PLK2: variants seen among roughly 807,000 people sequenced by gnomAD.
PLK2 encodes polo like kinase 2.
Under a neutral mutation model 78.1 loss-of-function variants are expected in PLK2, and 25 were observed. The ratio of observed to expected loss-of-function variants is 0.32; its 90% CI spans 0.23 to 0.45. The LOEUF (loss-of-function observed/expected upper bound fraction) is 0.45. PLK2 is among the 20% of genes least tolerant of loss of function. PLK2 has a pLI of 1.00. For missense variants in PLK2, 566 were observed against 840.2 expected (o/e 0.67, Z 4.04); for synonymous variants, 332 against 298.2 (o/e 1.11, Z -1.17).
At chr5:58,456,402 G>A in intron 9 of PLK2, 90 bp downstream of exon 9, 1 of 885,540 alleles carries the variant, frequency 1.1e-6, no homozygotes, top group Non-Finnish European at 1.8e-6. Flanking sequence ...TGACATATTT[G>A]AACCATGATA....
Position 58,456,931 on chromosome 5 carries a change from T to C in PLK2, c.1156+14A>G. On this transcript the variant is annotated intron_variant, in intron 8 of 13. Coordinates refer to ENST00000274289, the MANE Select transcript of PLK2 (RefSeq NM_006622.4). ...ATTGGGTACGAAAAAGGAAAAGAAG[T>C]CTTGTTAACTTACTATGTGTGTCAA... 3 of 1,530,012 alleles carry C rather than the reference T, an allele frequency of 2.0e-6. No individual in the cohort carries two copies. The highest frequency in any genetic ancestry group is 1.8e-6 in the Non-Finnish European group (2 of 1,127,288). 94.8% of individuals were successfully genotyped at this position (1,530,012 alleles called of 1,614,324 possible).
rs1279015488 is a variant in PLK2 at position 58,454,666 on chromosome 5, T to C, written c.1975A>G (p.Thr659Ala). Residue 659 changes from threonine to alanine, a missense_variant, in exon 14 of 14, where the codon ACT becomes GCT. By Grantham distance (58) the Thr-to-Ala change is moderately conservative (BLOSUM62 0). Around this residue, in one of 5 missense-constraint regions of PLK2, gnomAD observed 130 missense variants for 196.4 expected, o/e 0.66. Transcript: ENST00000274289. ...DRISTTFRLTTLLMSGCSSEL... is the reference protein window; with the variant it reads ...DRISTTFRLTALLMSGCSSEL... ...GATGAACAGCCAGACATCAGCAGAG[T>C]TGTCAGCCTGAAAGTTGTAGATATC... The C allele has an allele frequency of 6.2e-7, 1 of 1,613,660 alleles. No homozygotes were observed. The highest frequency in any genetic ancestry group is 8.5e-7 in the Non-Finnish European group (1 of 1,179,580).
chr5:58,455,482 G>T, intron 11 of PLK2, 57 bp downstream of exon 11: 1 of 1,610,610 alleles, frequency 6.2e-7, no homozygotes, highest in Non-Finnish European at 8.5e-7. Flanking sequence ...ATTGTTTTTA[G>T]ATTTCTTTAG....
In PLK2 at chr5:58,455,520, C is replaced by T. The variant is rs1477964102; in HGVS notation, c.1625+19G>A. 1.2e-6 allele frequency: 2 copies of T among 1,613,542 alleles called. No homozygotes were observed. Among genetic ancestry groups the T allele is most frequent in the Non-Finnish European group, 1.7e-6 (2 of 1,179,660 alleles). On this transcript the variant is annotated intron_variant, in intron 11 of 13. Coordinates refer to ENST00000274289, the MANE Select transcript of PLK2 (RefSeq NM_006622.4). ...CAAGACTAGAGAACTGACAGGATTT[C>T]ATTAATTGATACACTTACTTTTTGT...
rs702722 is a variant in PLK2, at chr5:58,459,024, A to G, written c.339T>C (p.Ile113=). Residue 113 remains isoleucine (I), a synonymous_variant, in exon 2 of 14, where the codon ATT becomes ATC. Coordinates refer to ENST00000274289, the MANE Select transcript of PLK2 (RefSeq NM_006622.4). ...TNNKVYAAKI[I]PHSRVAKPHQ... ...GAGGTTTAGCTACTCTGCTGTGAGG[A>G]ATAATTTTTGCGGCGTAGACTTTGT... is the stretch of plus-strand genomic sequence containing the variant. 0.11 allele frequency: 180,508 copies of G among 1,608,990 alleles called. 11,284 individuals carry two copies. The highest frequency in any genetic ancestry group is 0.25 in the East Asian group (11,026 of 44,806).
intron 9 of PLK2, 111 bp downstream of exon 9, chr5:58,456,379 CTT>C: frequency 1.2e-6 from 1 of 854,392 alleles, no homozygotes; most frequent in East Asian, 2.5e-5. Context: ...TGAAGAAAAA[CTT>C]TAAGTAAATA....
In PLK2 at chr5:58,458,717, A is replaced by C; in HGVS notation, c.495+8T>G. On this transcript the variant is annotated splice_region_variant and intron_variant, in intron 3 of 13. Coordinates refer to ENST00000274289, the MANE Select transcript of PLK2 (RefSeq NM_006622.4). ...AGCAAATGTTCTCAAATAGGAGTTG[A>C]CACTTACCCTTCTACTGCAGTATTC... 7.1e-7 allele frequency: 1 copy of C among 1,407,378 alleles called. No homozygotes were observed. The highest frequency in any genetic ancestry group is 1.0e-6 in the Non-Finnish European group (1 of 993,620). 87.2% of individuals were successfully genotyped at this position (1,407,378 alleles called of 1,614,324 possible).
At position 58,458,514 on chromosome 5, in the gene PLK2, A is replaced by C; in HGVS notation, c.510T>G (p.Ile170Met). The C allele has an allele frequency of 6.2e-7, 1 of 1,611,374 alleles. No individual in the cohort carries two copies. The highest frequency in any genetic ancestry group is 1.1e-5 in the South Asian group (1 of 90,000). The change falls in exon 4 of 14, where the codon ATT (isoleucine) becomes ATG (methionine). Residue 170 changes from isoleucine to methionine, a missense_variant. Around this residue, in one of 5 missense-constraint regions of PLK2, gnomAD observed 179 missense variants for 342.3 expected, o/e 0.52. Transcript: ENST00000274289. ...EYCSRRSMAH[I>M]LKARKVLTEP... ...CTGTCAACACCTTTCTTGCTTTCAA[A>C]ATATGAGCCATTGACTAAGAAGAGG...
intron 9 of PLK2, 158 bp downstream of exon 9, chr5:58,456,334 C>A: frequency 1.3e-6 from 1 of 764,118 alleles, no homozygotes; most frequent in Non-Finnish European, 2.1e-6. Flanking sequence ...AACTAAAAGA[C>A]TTCCTTTTAG....
Position 58,458,102 on chromosome 5 carries a change from G to C in PLK2, c.695C>G (p.Pro232Arg). The C allele has an allele frequency of 6.2e-7, 1 of 1,612,408 alleles. No individual in the cohort carries two copies. ...GDFGLAARLE[P>R]LEHRRRTICG... ...CTCTTACCTCCTTCTGTGTTCCAAG[G>C]GTTCTAGCCTGGCTGCCAGACCGAA... Residue 232 changes from proline (P) to arginine (R), a missense_variant, in exon 5 of 14, where the codon CCC becomes CGC. Pro to Arg is a moderately radical substitution (Grantham distance 103). Transcript: ENST00000274289.
At chr5:58,458,254 C>G (rs1359685651) in intron 4 of PLK2, 83 bp from the exon 5 acceptor site, 4 of 1,292,022 alleles carry the variant, frequency 3.1e-6, no homozygotes, top group Non-Finnish European at 4.5e-6. Context: ...TGGAGCCAGG[C>G]AGCCAATTGT....
At chr5:58,455,141 T>C (rs1579963196) in intron 12 of PLK2, 120 bp from the exon 13 acceptor site, 1 of 1,158,826 alleles carries the variant, frequency 8.6e-7, no homozygotes, top group East Asian at 2.3e-5. Context: ...TGGAAATCCC[T>C]GCCTCCACCT....
In PLK2 at chr5:58,455,522, T is replaced by A; in HGVS notation, c.1625+17A>T. The A allele has an allele frequency of 1.2e-6, 2 of 1,613,804 alleles. No homozygotes were observed. Among genetic ancestry groups the A allele is most frequent in the Admixed American group, 3.3e-5 (2 of 59,988 alleles). Reference sequence around the variant, plus strand: ...AGACTAGAGAACTGACAGGATTTCATTAATTGATACACTTACTTTTTGTCT... The same window carrying A: ...AGACTAGAGAACTGACAGGATTTCAATAATTGATACACTTACTTTTTGTCT... On this transcript the variant is annotated intron_variant, in intron 11 of 13. Coordinates refer to ENST00000274289, the MANE Select transcript of PLK2 (RefSeq NM_006622.4).
rs1214725294 is a variant in PLK2 at position 58,457,174 on chromosome 5, C to T, written c.1008+7G>A. ...AGGTAATTAAAAAAAAAAGATAGTGCACCAACCTGCAAAAAAAAGTCATGT... is the reference window on the plus strand; with the variant it reads ...AGGTAATTAAAAAAAAAAGATAGTGTACCAACCTGCAAAAAAAAGTCATGT... On this transcript the variant is annotated splice_region_variant and intron_variant, in intron 7 of 13. Coordinates refer to ENST00000274289, the MANE Select transcript of PLK2 (RefSeq NM_006622.4). The T allele has an allele frequency of 6.2e-7, 1 of 1,613,342 alleles. No homozygotes were observed.
chr5:58,456,922 G>A (rs1209706159), intron 8 of PLK2, 23 bp downstream of exon 8: 10 of 1,500,840 alleles, frequency 6.7e-6, no homozygotes, highest in Admixed American at 2.1e-5. Context: ...TACGAAAAAG[G>A]AAAAGAAGTC....
At chr5:58,455,109 T>TAA in intron 12 of PLK2, 88 bp from the exon 13 acceptor site, 1 of 1,137,714 alleles carries the variant, frequency 8.8e-7, no homozygotes, top group South Asian at 1.3e-5. Flanking sequence ...CTCTCAAACT[T>TAA]AAGCAAGCAT....
At position 58,455,886 on chromosome 5, in the gene PLK2, C is replaced by CTCAA. The variant is rs1743587144; in HGVS notation, c.1385-111_1385-108dup. Reference sequence around the variant, plus strand: ...CTCCATTAATTCGAAAGACATAGAACTCAAGATTATTTTCCAATTCCTGTA... The same window carrying CTCAA: ...CTCCATTAATTCGAAAGACATAGAACTCAATCAAGATTATTTTCCAATTCCTGTA... On this transcript the variant is annotated intron_variant, in intron 10 of 13. Coordinates refer to ENST00000274289, the MANE Select transcript of PLK2 (RefSeq NM_006622.4). 6.0e-6 allele frequency: 9 copies of CTCAA among 1,488,262 alleles called. No homozygotes were observed. The Admixed American group carries it at 1.7e-4, about 28-fold the overall frequency. The allele number at this position is 1,488,262 out of a possible 1,614,324, so 92.2% of individuals were successfully genotyped here. A position where few individuals can be genotyped will look rare whatever the true frequency, so the allele number is the denominator to read the frequency against.
chr5:58,457,600 T>C lies in PLK2; in HGVS notation c.714-17A>G, dbSNP rs1252074813. 2 of 1,449,266 alleles carry C rather than the reference T, an allele frequency of 1.4e-6. No homozygotes were observed. The highest frequency in any genetic ancestry group is 9.7e-7 in the Non-Finnish European group (1 of 1,029,826). 89.8% of individuals were successfully genotyped at this position (1,449,266 alleles called of 1,614,324 possible). A position where few individuals can be genotyped will look rare whatever the true frequency, so the allele number is the denominator to read the frequency against. On this transcript the variant is annotated splice_polypyrimidine_tract_variant and intron_variant, in intron 5 of 13. Transcript: ENST00000274289. ...CATATCGTTCTGGAAAGACAAAATA[T>C]TGAGATCGTGTTAGGAACTATTCCA... is the stretch of plus-strand genomic sequence containing the variant.
chr5:58,455,457 T>C (rs1218463070), intron 11 of PLK2, 43 bp from the exon 12 acceptor site: 1 of 1,609,458 alleles, frequency 6.2e-7, no homozygotes, highest in Admixed American at 1.7e-5. Context: ...GAAAAAAAAA[T>C]AGAAGCAGTT....
Sources: allele counts gnomAD v4.1 joint callset, GRCh38; gene constraint gnomAD v4.1.1; regional missense constraint gnomAD v4.1.1; transcripts MANE v1.5; gene names NCBI Gene and HGNC (gene_info 2026-07-23, HGNC 2026-07-21).